TTC29: variants seen among roughly 807,000 people sequenced by gnomAD.
TTC29 encodes the protein tetratricopeptide repeat protein 29.
Under a neutral mutation model 58.1 loss-of-function variants are expected in TTC29, and 49 were observed. The ratio of observed to expected loss-of-function variants is 0.84; its 90% confidence interval spans 0.67 to 1.07. The LOEUF (loss-of-function observed/expected upper bound fraction) is 1.07, where lower values mean the gene tolerates loss of function less well. Ranked by LOEUF, TTC29 falls within the 50% of genes least tolerant of loss-of-function variation. The probability of loss-of-function intolerance (pLI) is 0.00; values close to 1 mark genes in which losing one functional copy is unlikely to be tolerated. For synonymous variants in TTC29, 209 were observed against 196.8 expected, an observed-to-expected ratio of 1.06 and a Z score of -0.52; for missense variants, 582 against 555.6, an observed-to-expected ratio of 1.05 and a Z score of -0.48.
At chr4:146,772,273 T>C (rs1747797715) in intron 11 of TTC29, among the ~76,000 whole-genome samples, 1 of 152,152 alleles carries the variant, frequency 6.6e-6, no homozygotes, top group African/African-American at 2.4e-5. Context: ...ATTTGTCAAT[T>C]TTTATTTTTG....
chr4:146,872,247 C>T (rs1319362882), intron 7 of TTC29, among the ~76,000 whole-genome samples: 1 of 151,956 alleles, frequency 6.6e-6, no homozygotes, highest in Non-Finnish European at 1.5e-5. Context: ...CACACACACA[C>T]ATGAAAATAG....
intron 10 of TTC29, chr4:146,813,084 C>G (rs779683619): frequency 6.6e-6 from 1 of 152,120 alleles, no homozygotes; most frequent in African/African-American, 2.4e-5. Context: ...GAACAACGCT[C>G]GAATTATTAC....
chr4:146,882,850 A>G (rs548635204), intron 6 of TTC29, among the ~76,000 whole-genome samples: 1 of 152,210 alleles, frequency 6.6e-6, no homozygotes, highest in East Asian at 1.9e-4. Context: ...CAAAAAACTG[A>G]AAATAAGATA....
intron 9 of TTC29, among the ~76,000 whole-genome samples, chr4:146,822,201 AC>A (rs1296137933): frequency 6.6e-6 from 1 of 150,652 alleles, no homozygotes; most frequent in Non-Finnish European, 1.5e-5. Flanking sequence ...GGTTTGCTGC[AC>A]CTATTGATCC....
At chr4:146,753,147 A>C (rs1189604912) in intron 11 of TTC29, among the ~76,000 whole-genome samples, 1 of 152,194 alleles carries the variant, frequency 6.6e-6, no homozygotes, top group Non-Finnish European at 1.5e-5. Context: ...TTTGCAACCT[A>C]CTCATCTGTC....
chr4:146,815,189 A>T (rs1228148398), intron 10 of TTC29, among the ~76,000 whole-genome samples: 1 of 152,154 alleles, frequency 6.6e-6, no homozygotes, highest in Non-Finnish European at 1.5e-5. Flanking sequence ...AGCTGAGTTT[A>T]GGGCTTACTG....
At chr4:146,761,655 C>T (rs894686016) in intron 11 of TTC29, among the ~76,000 whole-genome samples, 5 of 149,176 alleles carry the variant, frequency 3.4e-5, no homozygotes, top group African/African-American at 4.9e-5. Flanking sequence ...TGAGTAGTTT[C>T]CCTAAACAGA....
chr4:146,831,310 G>A (rs1022003989), intron 9 of TTC29, among the ~76,000 whole-genome samples: 1 of 152,054 alleles, frequency 6.6e-6, no homozygotes, highest in Non-Finnish European at 1.5e-5. Flanking sequence ...TGTGGCCCAG[G>A]CTGGTCTCAA....
rs748485023 is a variant in TTC29 at position 146,820,188 on chromosome 4, G to T, written c.1038C>A (p.Asn346Lys). The change falls in exon 10 of 13, where the codon AAC (asparagine) becomes AAA (lysine). Residue 346 changes from asparagine to lysine, a missense_variant. Coordinates refer to ENST00000325106, the MANE Select transcript of TTC29 (RefSeq NM_031956.4). Reference protein sequence around the residue: ...YLKKFVKIARNNFQSLDLVRA... With the variant: ...YLKKFVKIARKNFQSLDLVRA... ...TCACCAAATCTAGGCTTTGAAAATT[G>T]TTTCTTGCAATTTTCACAAATTTTT... The T allele has an allele frequency of 6.2e-7, 1 of 1,613,000 alleles. No individual in the cohort carries two copies.
At chr4:146,908,839 G>C (rs887822050) in intron 5 of TTC29, among the ~76,000 whole-genome samples, 187 bp downstream of exon 5, 2 of 152,208 alleles carry the variant, frequency 1.3e-5, no homozygotes. Flanking sequence ...GAATGCCCCC[G>C]TGTCTGGGCA....
At chr4:146,858,181 C>A (rs941014265) in intron 8 of TTC29, among the ~76,000 whole-genome samples, 1 of 152,172 alleles carries the variant, frequency 6.6e-6, no homozygotes, top group African/African-American at 2.4e-5. Context: ...CACAGTGAAG[C>A]TGCCATTAGT....
intron 4 of TTC29, among the ~76,000 whole-genome samples, chr4:146,920,707 T>C (rs1052132336): frequency 6.6e-6 from 1 of 151,186 alleles, no homozygotes; most frequent in African/African-American, 2.4e-5. Context: ...CCTTTTTTGA[T>C]AAAATTTTTA....
At chr4:146,742,223 T>G (rs187215633) in intron 11 of TTC29, among the ~76,000 whole-genome samples, 122 of 152,272 alleles carry the variant, frequency 8.0e-4, no homozygotes, top group African/African-American at 2.8e-3. Context: ...TAACTGGACA[T>G]GAGGCTCTTG....
intron 11 of TTC29, among the ~76,000 whole-genome samples, chr4:146,714,712 A>G (rs1579506401): frequency 6.6e-6 from 1 of 152,198 alleles, no homozygotes; most frequent in East Asian, 1.9e-4. Context: ...GCAATTCATT[A>G]GCAGCATATT....
chr4:146,902,077 A>T (rs552606742), intron 6 of TTC29, among the ~76,000 whole-genome samples: 1 of 152,310 alleles, frequency 6.6e-6, no homozygotes, highest in Admixed American at 6.5e-5. Flanking sequence ...GGAATACTTA[A>T]ATATGTTCTC....
At chr4:146,921,005 T>G (rs1178056525) in intron 4 of TTC29, among the ~76,000 whole-genome samples, 1 of 151,442 alleles carries the variant, frequency 6.6e-6, no homozygotes, top group Non-Finnish European at 1.5e-5. Context: ...TTAGAATACA[T>G]TTCCCTATCA....
At chr4:146,728,828 T>TATATATACAC (rs1439245301) in intron 11 of TTC29, among the ~76,000 whole-genome samples, 8 of 115,998 alleles carry the variant, frequency 6.9e-5, no homozygotes, top group African/African-American at 2.5e-4. Flanking sequence ...TATATATACA[T>TATATATACAC]ATATATACAC....
chr4:146,842,473 T>C (rs536780963), intron 8 of TTC29, among the ~76,000 whole-genome samples: 2 of 151,980 alleles, frequency 1.3e-5, no homozygotes, highest in Non-Finnish European at 2.9e-5. Flanking sequence ...CTGAAATAAA[T>C]GAGAATGAAA....
chr4:146,904,746 A>T (rs1038820618), intron 5 of TTC29, among the ~76,000 whole-genome samples: 6 of 152,168 alleles, frequency 3.9e-5, no homozygotes, highest in African/African-American at 1.4e-4. Flanking sequence ...CTACTACCAG[A>T]GGAGTCAACC....
Sources: allele counts gnomAD v4.1 joint callset (sites outside exome capture counted in the v4.1 genomes callset), GRCh38; gene constraint gnomAD v4.1.1; transcripts MANE v1.5; gene names NCBI Gene and HGNC (gene_info 2026-07-23, HGNC 2026-07-21).